The following SLMAP variants were observed in gnomAD, a reference collection of about 807,000 sequenced individuals.
SLMAP encodes sarcolemmal membrane-associated protein.
SLMAP carries 44 observed loss-of-function variants against 128.8 expected under a neutral mutation model. The observed-to-expected ratio is 0.34, with a 90% CI of 0.27 to 0.44. SLMAP has a LOEUF of 0.44. SLMAP is among the 20% of genes least tolerant of loss of function. The pLI is 1.00. For missense variants in SLMAP, 787 were observed against 985.3 expected, an observed-to-expected ratio of 0.80 and a Z score of 2.69; for synonymous variants, 327 against 348.8, an observed-to-expected ratio of 0.94 and a Z score of 0.70.
chr3:57,883,009 A>G (rs1469127370), intron 14 of SLMAP, among the ~76,000 whole-genome samples: 1 of 152,202 alleles, frequency 6.6e-6, no homozygotes, highest in African/African-American at 2.4e-5. Context: ...AAACTTCTCT[A>G]CTTTCACCAG....
chr3:57,857,695 G>A, intron 6 of SLMAP, 38 bp from the exon 7 acceptor site: 2 of 1,319,446 alleles, frequency 1.5e-6, no homozygotes, highest in Non-Finnish European at 2.2e-6. Context: ...GAATCATGAT[G>A]AGCTTATTAG....
intron 3 of SLMAP, among the ~76,000 whole-genome samples, chr3:57,838,223 A>T (rs550921222): frequency 5.3e-5 from 8 of 152,200 alleles, no homozygotes; most frequent in Non-Finnish European, 1.2e-4. Flanking sequence ...ATGTTGTATT[A>T]TGCTCCTGTA....
chr3:57,873,607 G>A (rs775039941), intron 14 of SLMAP, among the ~76,000 whole-genome samples: 9 of 152,102 alleles, frequency 5.9e-5, no homozygotes, highest in Admixed American at 1.3e-4. Flanking sequence ...CATTTTCATG[G>A]GAAATTGGCA....
Position 57,849,184 on chromosome 3 carries a change from C to T in SLMAP, c.457-570C>T, listed in dbSNP as rs528036068. Among the ~76,000 whole-genome samples the T allele has an allele frequency of 2.6e-5, 4 of 152,206 alleles. No individual in the cohort carries two copies. The South Asian group carries it at 8.3e-4, about 32-fold the overall frequency. On this transcript the variant is annotated intron_variant, in intron 5 of 24. Coordinates refer to ENST00000671191, the MANE Select transcript of SLMAP (RefSeq NM_001377540.1). The stretch of plus-strand genomic sequence containing the variant: ...GATTACAGGCATGAGCCACTGCGCC[C>T]GGCCCTTTTTTGTTTGTTTTTCTTT...
chr3:57,831,518 A>C lies in SLMAP; in HGVS notation c.334A>C (p.Asn112His). Residue 112 changes from asparagine (N) to histidine (H), a missense_variant, in exon 3 of 25, where the codon AAT becomes CAT. Physicochemically the swap from Asn to His is moderately conservative, Grantham distance 68 (BLOSUM62 1). Transcript: ENST00000671191. ...IIQFGVDVTE[N>H]TRKVTHGCIV... ...CCAGTTTGGAGTAGACGTGACAGAG[A>C]ATACACGGAAAGGTACGGGTATGGA... The C allele has an allele frequency of 1.9e-6, 3 of 1,555,666 alleles. No homozygotes were observed. The highest frequency in any genetic ancestry group is 2.6e-6 in the Non-Finnish European group (3 of 1,150,908).
intron 15 of SLMAP, among the ~76,000 whole-genome samples, chr3:57,893,168 A>G (rs2096138278): frequency 6.6e-6 from 1 of 151,996 alleles, no homozygotes; most frequent in Non-Finnish European, 1.5e-5. Flanking sequence ...AAAAAAAAAT[A>G]CCTACTAGGT....
At position 57,890,068 on chromosome 3, in the gene SLMAP, C is replaced by T; in HGVS notation, c.1328C>T (p.Thr443Ile). 1 of 1,613,880 alleles carries T rather than the reference C, an allele frequency of 6.2e-7. No individual in the cohort carries two copies. Among genetic ancestry groups the T allele is most frequent in the African/African-American group, 1.3e-5 (1 of 75,034 alleles). ...QKKLIVEGHL[T>I]KAVEETKLSK... The stretch of plus-strand genomic sequence containing the variant: ...AAGCTGATCGTCGAAGGGCATCTAA[C>T]CAAAGCGGTAGAAGAAACAAAGCTT... Residue 443 changes from threonine to isoleucine, a missense_variant, in exon 15 of 25, where the codon ACC (threonine) becomes ATC (isoleucine). Thr to Ile is a moderately conservative substitution (Grantham distance 89). This residue lies in a region of SLMAP where 715 missense variants were observed against 843.6 expected (regional missense o/e 0.85). Coordinates refer to ENST00000671191, the MANE Select transcript of SLMAP (RefSeq NM_001377540.1).
At chr3:57,861,042 G>A (rs1409606114) in intron 9 of SLMAP, among the ~76,000 whole-genome samples, 8 of 152,182 alleles carry the variant, frequency 5.3e-5, no homozygotes, top group Non-Finnish European at 1.2e-4. Flanking sequence ...GTCAATGGCT[G>A]AGGAAATAAA....
At chr3:57,770,404 T>G (rs991130427) in intron 2 of SLMAP, among the ~76,000 whole-genome samples, 2 of 152,102 alleles carry the variant, frequency 1.3e-5, no homozygotes, top group African/African-American at 4.8e-5. Flanking sequence ...AAAAGAGCAA[T>G]GCATTCTAGC....
At chr3:57,782,399 TG>T (rs1271879140) in intron 2 of SLMAP, among the ~76,000 whole-genome samples, 1 of 152,250 alleles carries the variant, frequency 6.6e-6, no homozygotes, top group Non-Finnish European at 1.5e-5. Context: ...AAAGGTGTTT[TG>T]TTACTGTGAC....
At chr3:57,758,132 TG>T (rs1255841453) in intron 2 of SLMAP, among the ~76,000 whole-genome samples, 1 of 152,232 alleles carries the variant, frequency 6.6e-6, no homozygotes, top group African/African-American at 2.4e-5. Context: ...TAGTGAAACT[TG>T]GCGTCTTGCT....
chr3:57,779,949 G>T (rs2082675296), intron 2 of SLMAP, among the ~76,000 whole-genome samples: 1 of 151,330 alleles, frequency 6.6e-6, no homozygotes, highest in Admixed American at 6.6e-5. Context: ...TTTTTTTATT[G>T]TTTCATTCAT....
intron 5 of SLMAP, among the ~76,000 whole-genome samples, chr3:57,849,209 T>G (rs2094416936): frequency 6.6e-6 from 1 of 152,142 alleles, no homozygotes; most frequent in Admixed American, 6.5e-5. Context: ...TGTTTTTCTT[T>G]TTAATAATGC....
intron 2 of SLMAP, among the ~76,000 whole-genome samples, chr3:57,765,383 C>T (rs1040335877): frequency 7.9e-5 from 12 of 151,392 alleles, no homozygotes; most frequent in African/African-American, 2.9e-4. Context: ...ATAGTGAGAC[C>T]CATCTTAAAA....
At position 57,929,721 on chromosome 3, in the gene SLMAP, CAG is replaced by C. The variant is rs2097051279; in HGVS notation, c.*2434_*2435del. 6.6e-6 allele frequency among the ~76,000 whole-genome samples: 1 copy of C among 152,196 alleles called. No homozygotes were observed. Among genetic ancestry groups the C allele is most frequent in the South Asian group, 2.1e-4 (1 of 4,830 alleles). On this transcript the variant is annotated 3_prime_UTR_variant, in exon 25 of 25. Coordinates refer to ENST00000671191, the MANE Select transcript of SLMAP (RefSeq NM_001377540.1). Reference sequence around the variant, plus strand: ...AAAGAACGTGGTGTTTGAAGCAAAACAGATCTGTATTGGCATCTTGGTTCTAC... The same window carrying C: ...AAAGAACGTGGTGTTTGAAGCAAAACATCTGTATTGGCATCTTGGTTCTAC...
chr3:57,832,444 A>G (rs753988660), intron 3 of SLMAP, among the ~76,000 whole-genome samples: 16 of 152,230 alleles, frequency 1.1e-4, no homozygotes, highest in Non-Finnish European at 1.6e-4. Flanking sequence ...TGTTTTTACA[A>G]TTCAGAAGCT....
Position 57,762,127 on chromosome 3 carries a change from G to T in SLMAP, c.198+4278G>T, listed in dbSNP as rs145616098. 4.1e-3 allele frequency among the ~76,000 whole-genome samples: 621 copies of T among 152,020 alleles called. 5 individuals carry two copies. Among genetic ancestry groups the T allele is most frequent in the African/African-American group, 0.015 (604 of 41,462 alleles). On this transcript the variant is annotated intron_variant, in intron 2 of 24. Transcript: ENST00000671191. ...GCTCATGCCTGTAATCCAGCACTTG[G>T]GGAGGCTGAGGCAGACGGATCACGA...
intron 3 of SLMAP, among the ~76,000 whole-genome samples, chr3:57,835,785 A>G (rs1047661797): frequency 3.3e-5 from 5 of 152,236 alleles, no homozygotes; most frequent in African/African-American, 4.8e-5. Context: ...AAATTTGCAT[A>G]TATAAACAAG....
chr3:57,807,713 C>T (rs944727764), intron 2 of SLMAP, among the ~76,000 whole-genome samples: 1 of 151,846 alleles, frequency 6.6e-6, no homozygotes, highest in Non-Finnish European at 1.5e-5. Flanking sequence ...TGAGGGTTTT[C>T]GCATCGATGG....
Sources: gnomAD v4.1 joint callset for allele counts (sites outside exome capture counted in the v4.1 genomes callset) on GRCh38, gnomAD v4.1.1 for gene constraint, gnomAD v4.1.1 regional missense constraint, MANE v1.5 for transcripts, NCBI Gene and HGNC (gene_info 2026-07-23, HGNC 2026-07-21) for gene names.